The following TENM1 variants were observed in gnomAD, a reference collection of about 807,000 sequenced individuals.
TENM1 encodes teneurin transmembrane protein 1, also known as teneurin-1.
A neutral mutation model predicts 174.8 loss-of-function variants in TENM1; 35 were observed. The observed-to-expected ratio is 0.20, with a 90% confidence interval of 0.15 to 0.27. The LOEUF is 0.27. TENM1 is among the 10% of genes least tolerant of loss of function. The pLI, the probability that TENM1 is intolerant of heterozygous loss-of-function variation, is 1.00. For missense variants in TENM1, 1,633 were observed against 2,130.1 expected, an observed-to-expected ratio of 0.77 and a Z score of 4.59; for synonymous variants, 781 against 798.7, an observed-to-expected ratio of 0.98 and a Z score of 0.37.
chrX:124,893,736 C>T, intron 3 of TENM1, among the ~76,000 whole-genome samples: 1 of 111,316 alleles, frequency 9.0e-6, no homozygotes, highest in Non-Finnish European at 1.9e-5. Flanking sequence ...CACCAATGCC[C>T]CCTTACTAAG....
the TENM1 span, among the ~76,000 whole-genome samples, chrX:124,990,911 TACTC>T: frequency 9.0e-6 from 1 of 111,441 alleles, no homozygotes; most frequent in Non-Finnish European, 1.9e-5. Context: ...GAACAACATT[TACTC>T]ACTTAAGTAG....
chrX:124,438,866 TA>T (rs924118440), intron 23 of TENM1, among the ~76,000 whole-genome samples: 2 of 111,654 alleles, frequency 1.8e-5, no homozygotes, highest in East Asian at 2.8e-4. Context: ...GAAAAACAGT[TA>T]AAAAAAGGTT....
chrX:124,722,733 G>A (rs2053342758), intron 4 of TENM1, among the ~76,000 whole-genome samples: 1 of 107,473 alleles, frequency 9.3e-6, no homozygotes, highest in African/African-American at 3.4e-5. Context: ...CCAGCTACTT[G>A]GGAGGCTGAG....
chrX:124,915,001 C>T (rs774212682), intron 1 of TENM1, among the ~76,000 whole-genome samples: 1 of 111,839 alleles, frequency 8.9e-6, no homozygotes, highest in African/African-American at 3.2e-5. Flanking sequence ...CTCAAATACG[C>T]CATCCTACTT....
At chrX:124,443,399 T>C (rs1020851137) in intron 23 of TENM1, among the ~76,000 whole-genome samples, 3 of 111,232 alleles carry the variant, frequency 2.7e-5, no homozygotes, top group South Asian at 7.5e-4. Flanking sequence ...AGAATATTGA[T>C]TCAGAGTTAC....
chrX:125,041,533 G>T, the TENM1 span, among the ~76,000 whole-genome samples: 1 of 111,599 alleles, frequency 9.0e-6, no homozygotes, highest in Non-Finnish European at 1.9e-5. Flanking sequence ...CAAATGAAAA[G>T]GAAATAAAAC....
chrX:124,837,883 G>A (rs1020366327), intron 3 of TENM1, among the ~76,000 whole-genome samples: 3 of 112,335 alleles, frequency 2.7e-5, no homozygotes, highest in Non-Finnish European at 3.8e-5. Context: ...AACCAAAACT[G>A]CATTGCCAAA....
At chrX:124,543,547 T>A in intron 15 of TENM1, among the ~76,000 whole-genome samples, 1 of 112,325 alleles carries the variant, frequency 8.9e-6, no homozygotes, top group Non-Finnish European at 1.9e-5. Context: ...CTTTTACATA[T>A]TTATAAAAAC....
intron 16 of TENM1, among the ~76,000 whole-genome samples, chrX:124,526,262 C>T (rs1200939181): frequency 3.6e-5 from 4 of 111,997 alleles, no homozygotes; most frequent in Non-Finnish European, 7.5e-5. Flanking sequence ...GCATCTCTTT[C>T]CTGAGAGTTT....
At chrX:124,973,277 A>G in the TENM1 span, among the ~76,000 whole-genome samples, 11 of 111,717 alleles carry the variant, frequency 9.8e-5, no homozygotes, top group South Asian at 4.1e-3. Flanking sequence ...TTGTTTTGGT[A>G]CCAGTACCAT....
At chrX:125,176,898 T>C in the TENM1 span, among the ~76,000 whole-genome samples, 3 of 111,699 alleles carry the variant, frequency 2.7e-5, no homozygotes, top group South Asian at 1.1e-3. Context: ...TGGTGCAAAC[T>C]GGTACTCAGC....
chrX:124,707,714 G>A (rs1389254051), intron 4 of TENM1, among the ~76,000 whole-genome samples: 1 of 112,176 alleles, frequency 8.9e-6, no homozygotes, highest in African/African-American at 3.2e-5. Flanking sequence ...TCTACCCCTT[G>A]AATAAACAAA....
At chrX:124,775,721 T>C (rs1603182654) in intron 3 of TENM1, among the ~76,000 whole-genome samples, 1 of 112,014 alleles carries the variant, frequency 8.9e-6, no homozygotes, top group South Asian at 3.7e-4. Context: ...TTGTGGTATA[T>C]TGAGCTGCTC....
At chrX:124,380,389 A>G (rs1166021348) in exon 32 of TENM1, 22 of 483,249 alleles carry the variant, frequency 4.6e-5, no homozygotes, top group African/African-American at 7.3e-5. Flanking sequence ...TTAAAATACC[A>G]TCTTCCGTCA....
At chrX:124,641,975 T>C in exon 11 of TENM1, 4 of 1,211,524 alleles carry the variant, frequency 3.3e-6, no homozygotes, top group Non-Finnish European at 4.5e-6. Flanking sequence ...TGGAACACAT[T>C]GGGTCTAGGC....
intron 30 of TENM1, 32 bp from the exon 34 acceptor site, chrX:124,382,844 AAAAATCCCATACTTT>A (rs775515740): frequency 8.7e-7 from 1 of 1,144,839 alleles, no homozygotes; most frequent in Admixed American, 2.8e-5. Flanking sequence ...AAAGAAAATG[AAAAATCCCATACTTT>A]ATAAGCTTTG....
intron 1 of TENM1, among the ~76,000 whole-genome samples, chrX:124,941,809 G>T (rs2058330913): frequency 9.0e-6 from 1 of 111,614 alleles, no homozygotes; most frequent in South Asian, 3.7e-4. Flanking sequence ...CCCAAGACTG[G>T]GTAATTTATA....
At position 124,462,026 on chromosome X, in the gene TENM1, T is replaced by C. The variant is rs757865853; in HGVS notation, c.3950-8535A>G. Among the ~76,000 whole-genome samples, 3 of 111,152 alleles carry C rather than the reference T, an allele frequency of 2.7e-5. No homozygotes were observed. The Admixed American group carries it at 2.9e-4, about 11-fold the overall frequency. The stretch of plus-strand genomic sequence containing the variant: ...TATGTATCAATTAAAATTAATAAGG[T>C]CGTTTCATTTTCAGTATGACAGAGA... On this transcript the variant is annotated intron_variant, in intron 22 of 31. Transcript: ENST00000422452.
chrX:124,887,079 A>G lies in TENM1; in HGVS notation c.535+7217T>C, dbSNP rs143004156. 9.7e-3 allele frequency among the ~76,000 whole-genome samples: 1,071 copies of G among 110,819 alleles called. 16 individuals carry two copies. The highest frequency in any genetic ancestry group is 0.033 in the African/African-American group (1,019 of 30,589). ...GGGAAATTTGGTAATATCTAAACAA[A>G]CATTAAATGCATATATTTTCAACCC... On this transcript the variant is annotated intron_variant, in intron 3 of 31. Coordinates refer to ENST00000422452, the Ensembl canonical transcript of TENM1.
Sources: gnomAD v4.1 joint callset for allele counts (sites outside exome capture counted in the v4.1 genomes callset) on GRCh38, gnomAD v4.1.1 for gene constraint, MANE v1.5 for transcripts, NCBI Gene and HGNC (gene_info 2026-07-23, HGNC 2026-07-21) for gene names.